The following WDR7 variants were observed in gnomAD, a reference collection of about 807,000 sequenced individuals.
WDR7 encodes the protein WD repeat-containing protein 7.
WDR7 carries 46 observed loss-of-function variants against 169.4 expected under a neutral mutation model. The ratio of observed to expected loss-of-function variants is 0.27; its 90% CI spans 0.21 to 0.35. WDR7 has a LOEUF of 0.35. Among genes scored for constraint, WDR7 ranks in the 10% least tolerant of loss-of-function variants. The probability of loss-of-function intolerance (pLI) is 1.00; values close to 1 mark genes in which losing one functional copy is unlikely to be tolerated. For missense variants in WDR7, 1,534 were observed against 1,859.3 expected (o/e 0.83, Z 3.22); for synonymous variants, 612 against 666.8 (o/e 0.92, Z 1.27).
chr18:56,729,178 T>C (rs1002583246), intron 13 of WDR7, among the ~76,000 whole-genome samples: 20 of 152,174 alleles, frequency 1.3e-4, no homozygotes, highest in African/African-American at 4.8e-4. Flanking sequence ...TAATGGAGAA[T>C]TAAGAGCTAG....
intron 15 of WDR7, 81 bp downstream of exon 15, chr18:56,757,433 T>C: frequency 7.3e-7 from 1 of 1,368,810 alleles, no homozygotes; most frequent in South Asian, 1.6e-5. Flanking sequence ...GATTACTCTT[T>C]TTTGGCTCTA....
intron 26 of WDR7, among the ~76,000 whole-genome samples, chr18:56,965,512 A>G (rs2047396800): frequency 6.6e-6 from 1 of 151,066 alleles, no homozygotes. Flanking sequence ...CAGGATAAGT[A>G]TGGCATGTTG....
At chr18:56,793,773 C>G (rs1020023222) in intron 19 of WDR7, among the ~76,000 whole-genome samples, 3 of 152,162 alleles carry the variant, frequency 2.0e-5, no homozygotes, top group Non-Finnish European at 2.9e-5. Context: ...ACATATTCCT[C>G]TTATATATTT....
At chr18:56,776,148 T>A (rs576411823) in intron 16 of WDR7, among the ~76,000 whole-genome samples, 15 of 151,216 alleles carry the variant, frequency 9.9e-5, no homozygotes, top group East Asian at 1.9e-4. Flanking sequence ...TTCACAAAAA[T>A]TTTTTTTTAG....
intron 21 of WDR7, among the ~76,000 whole-genome samples, chr18:56,902,956 C>T (rs926504762): frequency 2.6e-5 from 4 of 152,158 alleles, no homozygotes; most frequent in Non-Finnish European, 5.9e-5. Flanking sequence ...CAGGTTCTTT[C>T]AAACTTGCTT....
chr18:56,929,337 A>C (rs1568271950), intron 22 of WDR7, among the ~76,000 whole-genome samples: 1 of 152,200 alleles, frequency 6.6e-6, no homozygotes, highest in Admixed American at 6.5e-5. Flanking sequence ...CCTTATTTAC[A>C]TATCAGTAAA....
Position 56,865,587 on chromosome 18 carries a change from T to C in WDR7, c.3305-14357T>C, listed in dbSNP as rs949169506. Among the ~76,000 whole-genome samples, 7 of 152,274 alleles carry C rather than the reference T, an allele frequency of 4.6e-5. No individual in the cohort carries two copies. The East Asian group carries it at 1.2e-3, about 25-fold the overall frequency. The stretch of plus-strand genomic sequence containing the variant: ...AGGAAGGTTTATGTAGAGAAATTAA[T>C]GTTTAATTCATATTTTGAATTAGTG... On this transcript the variant is annotated intron_variant, in intron 20 of 27. Transcript: ENST00000254442.
At chr18:56,762,601 CTTG>C in intron 16 of WDR7, among the ~76,000 whole-genome samples, 1 of 151,838 alleles carries the variant, frequency 6.6e-6, no homozygotes, top group African/African-American at 2.4e-5. Context: ...GTAATATGTC[CTTG>C]TTTTTATTCC....
chr18:57,020,301 T>C (rs1468825302), intron 26 of WDR7, among the ~76,000 whole-genome samples: 4 of 152,244 alleles, frequency 2.6e-5, no homozygotes, highest in African/African-American at 4.8e-5. Context: ...GATGAAATTA[T>C]AGTCTTTAAC....
intron 12 of WDR7, among the ~76,000 whole-genome samples, chr18:56,707,082 G>A (rs139663395): frequency 0.033 from 4,938 of 151,904 alleles, 264 homozygotes; most frequent in African/African-American, 0.11. Context: ...CCTGGTTCAA[G>A]CGATTCTCTT....
At chr18:56,902,422 T>C (rs992756179) in intron 21 of WDR7, among the ~76,000 whole-genome samples, 5 of 152,184 alleles carry the variant, frequency 3.3e-5, no homozygotes, top group Non-Finnish European at 7.3e-5. Context: ...TTAAAAGCTA[T>C]ATTTTTTAAA....
chr18:56,943,773 T>C (rs1483342118), intron 25 of WDR7, among the ~76,000 whole-genome samples: 2 of 152,086 alleles, frequency 1.3e-5, no homozygotes, highest in Non-Finnish European at 2.9e-5. Context: ...CTAACTAATA[T>C]AGTATCCTGA....
At chr18:56,939,280 T>C in intron 24 of WDR7, 31 bp from the exon 25 acceptor site, 1 of 1,490,754 alleles carries the variant, frequency 6.7e-7, no homozygotes, top group Non-Finnish European at 9.0e-7. Flanking sequence ...GTATTTGAAA[T>C]TAATTTTAAA....
chr18:56,689,280 T>C (rs2025513170), intron 7 of WDR7, among the ~76,000 whole-genome samples: 1 of 152,180 alleles, frequency 6.6e-6, no homozygotes, highest in South Asian at 2.1e-4. Flanking sequence ...CTGTTTGTTT[T>C]GAGACAGAGT....
chr18:57,000,060 G>C (rs929089241), intron 26 of WDR7, among the ~76,000 whole-genome samples: 4 of 152,096 alleles, frequency 2.6e-5, no homozygotes, highest in Non-Finnish European at 5.9e-5. Flanking sequence ...GAGCAGACTG[G>C]GCATGAAGAA....
intron 1 of WDR7, among the ~76,000 whole-genome samples, chr18:56,667,815 A>G (rs1213847450): frequency 6.6e-6 from 1 of 152,160 alleles, no homozygotes; most frequent in Non-Finnish European, 1.5e-5. Context: ...TATTATTATT[A>G]GTACTATTCT....
intron 9 of WDR7, among the ~76,000 whole-genome samples, chr18:56,694,350 A>G (rs1271806151): frequency 6.6e-6 from 1 of 152,260 alleles, no homozygotes; most frequent in Non-Finnish European, 1.5e-5. Context: ...AGTGGTGAAA[A>G]GTAGCATAAA....
intron 19 of WDR7, among the ~76,000 whole-genome samples, chr18:56,810,864 AG>A (rs1007401928): frequency 6.6e-6 from 1 of 152,144 alleles, no homozygotes; most frequent in African/African-American, 2.4e-5. Flanking sequence ...GAGTTGTACA[AG>A]CATCTCCACA....
intron 20 of WDR7, among the ~76,000 whole-genome samples, chr18:56,878,121 G>A (rs1167822576): frequency 3.9e-5 from 6 of 152,164 alleles, no homozygotes; most frequent in African/African-American, 1.4e-4. Context: ...GTGAGGTTAA[G>A]AAAGGAAATT....
Sources: gnomAD v4.1 joint callset for allele counts (sites outside exome capture counted in the v4.1 genomes callset) on GRCh38, gnomAD v4.1.1 for gene constraint, MANE v1.5 for transcripts, NCBI Gene and HGNC (gene_info 2026-07-23, HGNC 2026-07-21) for gene names.